Variants in AP2A1 observed in about 807,000 individuals in gnomAD.
The protein encoded by AP2A1 is adaptor related protein complex 2 subunit alpha 1.
A neutral mutation model predicts 107.3 loss-of-function variants in AP2A1; 21 were observed. The ratio of observed to expected loss-of-function variants is 0.20; its 90% CI spans 0.14 to 0.28. The LOEUF is 0.28. Among genes scored for constraint, AP2A1 ranks in the 10% least tolerant of loss-of-function variants. AP2A1 has a pLI of 1.00. For missense variants in AP2A1, 873 were observed against 1,307.7 expected (o/e 0.67, Z 5.13); for synonymous variants, 602 against 564.8 (o/e 1.07, Z -0.93).
intron 15 of AP2A1, chr19:49,802,563 C>T: frequency 1.2e-6 from 2 of 1,606,216 alleles, no homozygotes; most frequent in Non-Finnish European, 8.5e-7. Flanking sequence ...CCCGAGAGCC[C>T]CATGGCTTTG....
At chr19:49,770,774 T>TC in intron 1 of AP2A1, among the ~76,000 whole-genome samples, 1 of 152,298 alleles carries the variant, frequency 6.6e-6, no homozygotes, top group African/African-American at 2.4e-5. Flanking sequence ...AATAGGCAGA[T>TC]CCATGGAGAC....
chr19:49,803,223 G>A, intron 17 of AP2A1, 34 bp downstream of exon 17: 1 of 1,613,756 alleles, frequency 6.2e-7, no homozygotes, highest in Non-Finnish European at 8.5e-7. Context: ...ATGGGTCGGA[G>A]GGAGACCTTG....
Position 49,767,031 on chromosome 19 carries a change from C to T in AP2A1, c.-103C>T. The T allele has an allele frequency of 1.2e-5, 15 of 1,258,520 alleles. No individual in the cohort carries two copies. The highest frequency in any genetic ancestry group is 1.6e-5 in the South Asian group (1 of 61,536). The allele number at this position is 1,258,520 out of a possible 1,614,324, so 78.0% of individuals were successfully genotyped here. ...CCAGCCCTCCCCGCGGCCGGCTCGG[C>T]TCCTTGGCGCTGCCTGGGGTCCTTT... On this transcript the variant is annotated 5_prime_UTR_variant, in exon 1 of 23. Coordinates refer to ENST00000354293, the MANE Select transcript of AP2A1 (RefSeq NM_130787.3).
chr19:49,800,958 C>T lies in AP2A1; in HGVS notation c.1456-3C>T, dbSNP rs768967566. Reference sequence around the variant, plus strand: ...TCTCCACGCCCTTCCCCACCCCACTCAGGCGCTCCAGGCCCCTGCCTGTCA... The same window carrying T: ...TCTCCACGCCCTTCCCCACCCCACTTAGGCGCTCCAGGCCCCTGCCTGTCA... On this transcript the variant is annotated splice_polypyrimidine_tract_variant and splice_region_variant and intron_variant, in intron 11 of 22. Coordinates refer to ENST00000354293, the MANE Select transcript of AP2A1 (RefSeq NM_130787.3). The T allele has an allele frequency of 1.4e-5, 22 of 1,591,934 alleles. No individual in the cohort carries two copies. Among genetic ancestry groups the T allele is most frequent in the Non-Finnish European group, 1.8e-5 (21 of 1,169,144 alleles).
intron 1 of AP2A1, among the ~76,000 whole-genome samples, chr19:49,770,382 G>A (rs1189638264): frequency 6.6e-6 from 1 of 152,140 alleles, no homozygotes; most frequent in Non-Finnish European, 1.5e-5. Flanking sequence ...TATGTTGAAC[G>A]GCTGGTATGT....
chr19:49,806,348 C>T (rs1600252081), intron 22 of AP2A1, 95 bp downstream of exon 22: 1 of 1,416,682 alleles, frequency 7.1e-7, no homozygotes, highest in Non-Finnish European at 9.2e-7. Flanking sequence ...AATTCACGTC[C>T]CCACTTTGAC....
At chr19:49,770,578 G>T (rs1037081487) in intron 1 of AP2A1, among the ~76,000 whole-genome samples, 5 of 152,150 alleles carry the variant, frequency 3.3e-5, no homozygotes, top group Non-Finnish European at 5.9e-5. Context: ...ACAGAAACGG[G>T]CCAAATGCCC....
chr19:49,799,960 G>C lies in AP2A1; in HGVS notation c.1273-8G>C, dbSNP rs778636010. On this transcript the variant is annotated splice_polypyrimidine_tract_variant and splice_region_variant and intron_variant, in intron 10 of 22. Transcript: ENST00000354293. ...CGGCACACTCTCTCTCACACGCCCC[G>C]GCGGCAGGTCCTGAAGGTGGCCATC... The C allele has an allele frequency of 2.0e-5, 33 of 1,612,128 alleles. No individual in the cohort carries two copies. The highest frequency in any genetic ancestry group is 2.6e-5 in the Non-Finnish European group (31 of 1,178,382).
intron 12 of AP2A1, 120 bp downstream of exon 12, chr19:49,801,178 C>G (rs529012383): frequency 9.3e-7 from 1 of 1,076,976 alleles, no homozygotes; most frequent in South Asian, 1.6e-5. Flanking sequence ...GGCCTCCACC[C>G]CAATCCACCT....
At chr19:49,794,609 A>T (rs2123729366) in intron 6 of AP2A1, among the ~76,000 whole-genome samples, 1 of 152,258 alleles carries the variant, frequency 6.6e-6, no homozygotes, top group Admixed American at 6.5e-5. Flanking sequence ...AGCTTCCTGG[A>T]GAAGGGCTTT....
At position 49,806,906 on chromosome 19, in the gene AP2A1, T is replaced by G; in HGVS notation, c.*148T>G. 6.5e-7 allele frequency: 1 copy of G among 1,537,632 alleles called. No homozygotes were observed. The highest frequency in any genetic ancestry group is 1.2e-5 in the South Asian group (1 of 83,708). On this transcript the variant is annotated 3_prime_UTR_variant, in exon 23 of 23. Transcript: ENST00000354293. The stretch of plus-strand genomic sequence containing the variant: ...GGACTTTCCTCCGGCCTTTTGTATT[T>G]TTATTTTTGTTCATCTGCTGCTGTT...
chr19:49,771,120 G>T (rs1327241172), intron 1 of AP2A1, among the ~76,000 whole-genome samples: 1 of 151,812 alleles, frequency 6.6e-6, no homozygotes, highest in Non-Finnish European at 1.5e-5. Flanking sequence ...CAAAGTGCTA[G>T]GATTACAGGT....
At chr19:49,793,898 CTT>C (rs956804227) in intron 6 of AP2A1, among the ~76,000 whole-genome samples, 4 of 74,580 alleles carry the variant, frequency 5.4e-5, no homozygotes, top group East Asian at 4.3e-4. Flanking sequence ...CTCATTGTTT[CTT>C]TTTTTTTTTT....
At chr19:49,803,413 C>G (rs761896649) in intron 18 of AP2A1, 37 bp downstream of exon 18, 2 of 1,580,408 alleles carry the variant, frequency 1.3e-6, no homozygotes, top group East Asian at 4.5e-5. Flanking sequence ...CCTGCCTCTC[C>G]ACGTCGGCCT....
chr19:49,800,185 G>A (rs779680239), intron 11 of AP2A1, 35 bp downstream of exon 11: 15 of 1,575,042 alleles, frequency 9.5e-6, no homozygotes, highest in East Asian at 2.3e-5. Flanking sequence ...ATGACCCCAC[G>A]ACAGGACCTA....
chr19:49,795,636 T>C lies in AP2A1; in HGVS notation c.712T>C (p.Ser238Pro), dbSNP rs1478495056. 7.4e-7 allele frequency: 1 copy of C among 1,358,766 alleles called. No homozygotes were observed. Among genetic ancestry groups the C allele is most frequent in the South Asian group, 1.2e-5 (1 of 81,110 alleles). The allele number at this position is 1,358,766 out of a possible 1,614,324, so 84.2% of individuals were successfully genotyped here. ...TCTTGCTCTTCCCCGCCAGATCGTC[T>C]CCTCTGCCTCCACCGACCTCCAGGA... ...LAVSRLSRIV[S>P]SASTDLQDYT... The change falls in exon 7 of 23, where the codon TCC becomes CCC. Residue 238 changes from serine (S) to proline (P), a missense_variant. This residue lies in a region of AP2A1 where 157 missense variants were observed against 212.6 expected (regional missense o/e 0.74). Transcript: ENST00000354293.
In AP2A1 at chr19:49,767,025, G is replaced by C; in HGVS notation, c.-109G>C. 2 of 1,223,012 alleles carry C rather than the reference G, an allele frequency of 1.6e-6. No homozygotes were observed. The highest frequency in any genetic ancestry group is 2.1e-6 in the Non-Finnish European group (2 of 934,340). 75.8% of individuals were successfully genotyped at this position (1,223,012 alleles called of 1,614,324 possible). On this transcript the variant is annotated 5_prime_UTR_variant, in exon 1 of 23. Coordinates refer to ENST00000354293, the MANE Select transcript of AP2A1 (RefSeq NM_130787.3). ...CGCCAGCCAGCCCTCCCCGCGGCCGGCTCGGCTCCTTGGCGCTGCCTGGGG... is the reference window on the plus strand; with the variant it reads ...CGCCAGCCAGCCCTCCCCGCGGCCGCCTCGGCTCCTTGGCGCTGCCTGGGG...
At chr19:49,783,679 G>C (rs16981435) in intron 4 of AP2A1, among the ~76,000 whole-genome samples, 3,369 of 152,352 alleles carry the variant, frequency 0.022, 109 homozygotes, top group East Asian at 0.13. Context: ...GCTGGAGCCA[G>C]CATTTGCTTA....
chr19:49,781,387 A>C (rs1351929698), intron 1 of AP2A1, among the ~76,000 whole-genome samples: 1 of 152,118 alleles, frequency 6.6e-6, no homozygotes, highest in African/African-American at 2.4e-5. Flanking sequence ...CGGCCAGCCA[A>C]GCTCTTTATT....
Sources: allele counts gnomAD v4.1 joint callset (sites outside exome capture counted in the v4.1 genomes callset), GRCh38; gene constraint gnomAD v4.1.1; regional missense constraint gnomAD v4.1.1; transcripts MANE v1.5; gene names NCBI Gene and HGNC (gene_info 2026-07-23, HGNC 2026-07-21).